The following AIG1 variants were observed in gnomAD, a reference collection of about 807,000 sequenced individuals.
AIG1 encodes androgen induced 1.
A neutral mutation model predicts 31.4 loss-of-function variants in AIG1; 23 were observed. The ratio of observed to expected loss-of-function variants is 0.73; its 90% confidence interval spans 0.53 to 1.04. The LOEUF (loss-of-function observed/expected upper bound fraction) is 1.04, where lower values mean the gene tolerates loss of function less well. AIG1 is among the 50% of genes least tolerant of loss of function. The probability of loss-of-function intolerance (pLI) is 0.00; values close to 1 mark genes in which losing one functional copy is unlikely to be tolerated. For missense variants in AIG1, 274 were observed against 295.0 expected (o/e 0.93, Z 0.52); for synonymous variants, 100 against 110.5 (o/e 0.90, Z 0.60).
At chr6:143,068,440 G>A (rs1191395621) in intron 1 of AIG1, among the ~76,000 whole-genome samples, 5 of 152,218 alleles carry the variant, frequency 3.3e-5, no homozygotes. Context: ...TGCGGTGGAA[G>A]CAGAGCTTTC....
At chr6:143,230,633 T>C (rs1341368418) in intron 3 of AIG1, among the ~76,000 whole-genome samples, 1 of 151,058 alleles carries the variant, frequency 6.6e-6, no homozygotes, top group Non-Finnish European at 1.5e-5. Context: ...GACAAATATA[T>C]CATTATATTT....
At chr6:143,237,356 G>C (rs1225856448) in intron 3 of AIG1, among the ~76,000 whole-genome samples, 1 of 152,108 alleles carries the variant, frequency 6.6e-6, no homozygotes, top group Non-Finnish European at 1.5e-5. Context: ...AAGAAGTCTT[G>C]TCTCATGAAG....
chr6:143,195,560 C>T (rs1790154032), intron 3 of AIG1, among the ~76,000 whole-genome samples: 1 of 152,118 alleles, frequency 6.6e-6, no homozygotes, highest in Admixed American at 6.5e-5. Flanking sequence ...CGTTGACAAG[C>T]ACAGGCTGGA....
chr6:143,128,984 C>T (rs1190037791), intron 1 of AIG1, among the ~76,000 whole-genome samples: 5 of 152,154 alleles, frequency 3.3e-5, no homozygotes, highest in African/African-American at 9.7e-5. Context: ...TCTTTGTCTC[C>T]TTGTGTTTAG....
intron 3 of AIG1, 146 bp downstream of exon 3, chr6:143,165,329 C>T (rs982479630): frequency 1.6e-5 from 10 of 615,834 alleles, no homozygotes; most frequent in Non-Finnish European, 2.8e-6. Context: ...TTAGAGAATA[C>T]TGTAATATTT....
chr6:143,107,454 A>C (rs1334917126), intron 1 of AIG1, among the ~76,000 whole-genome samples: 1 of 152,216 alleles, frequency 6.6e-6, no homozygotes, highest in Non-Finnish European at 1.5e-5. Context: ...GTATAAAATT[A>C]TGGTGATATA....
At chr6:143,264,173 T>C (rs2128661057) in intron 3 of AIG1, among the ~76,000 whole-genome samples, 1 of 152,336 alleles carries the variant, frequency 6.6e-6, no homozygotes, top group Admixed American at 6.5e-5. Flanking sequence ...GCGTATATGC[T>C]TGGGTATTTA....
At chr6:143,339,505 G>T (rs113681591) in intron 5 of AIG1, 134 bp from the exon 6 acceptor site, 22 of 796,436 alleles carry the variant, frequency 2.8e-5, no homozygotes, top group African/African-American at 2.5e-4. Flanking sequence ...GGGAATAGGG[G>T]GTGTGTCAGG....
intron 1 of AIG1, among the ~76,000 whole-genome samples, chr6:143,122,898 TTTTC>T (rs1197859733): frequency 6.6e-6 from 1 of 152,136 alleles, no homozygotes; most frequent in Admixed American, 6.5e-5. Context: ...GACTCCATGT[TTTTC>T]TTTAATCATT....
downstream of AIG1, chr6:143,342,602 G>A: frequency 9.4e-7 from 1 of 1,068,794 alleles, no homozygotes; most frequent in South Asian, 1.3e-5. Flanking sequence ...GCTGCTATTT[G>A]GCAATACGAA....
chr6:143,307,020 C>T (rs1329595318), intron 4 of AIG1, among the ~76,000 whole-genome samples: 5 of 152,300 alleles, frequency 3.3e-5, no homozygotes, highest in South Asian at 2.1e-4. Context: ...GCATTCTTCA[C>T]GTAGTTCTCG....
At chr6:143,150,167 G>C (rs896311888) in intron 2 of AIG1, among the ~76,000 whole-genome samples, 5 of 152,152 alleles carry the variant, frequency 3.3e-5, no homozygotes, top group African/African-American at 9.7e-5. Context: ...ACAAGGATTT[G>C]AGGTGGTGTA....
At chr6:143,264,024 T>G (rs896260213) in intron 3 of AIG1, among the ~76,000 whole-genome samples, 1 of 152,240 alleles carries the variant, frequency 6.6e-6, no homozygotes, top group Non-Finnish European at 1.5e-5. Flanking sequence ...TTGAGTTGTA[T>G]TTTCTGTCCA....
At chr6:143,250,928 C>A (rs919018240) in intron 3 of AIG1, among the ~76,000 whole-genome samples, 2 of 152,198 alleles carry the variant, frequency 1.3e-5, no homozygotes, top group African/African-American at 4.8e-5. Context: ...AGATTAGACA[C>A]CTCTGCTCTA....
At chr6:143,124,415 C>T (rs1310378049) in intron 1 of AIG1, among the ~76,000 whole-genome samples, 1 of 152,180 alleles carries the variant, frequency 6.6e-6, no homozygotes, top group Non-Finnish European at 1.5e-5. Context: ...TTTCCTGCAG[C>T]CCTCCCAACG....
At chr6:143,152,343 G>A (rs920339947) in intron 2 of AIG1, among the ~76,000 whole-genome samples, 5 of 152,118 alleles carry the variant, frequency 3.3e-5, no homozygotes, top group African/African-American at 1.2e-4. Context: ...TCATATTAAT[G>A]TAATTTTATC....
intron 3 of AIG1, among the ~76,000 whole-genome samples, chr6:143,232,009 A>T (rs1012774885): frequency 5.3e-5 from 8 of 152,180 alleles, no homozygotes; most frequent in Admixed American, 5.2e-4. Context: ...AAGTCAGGGG[A>T]TCTCTCCATT....
rs748248630 is a variant in AIG1, at chr6:143,297,789, A to G, written c.515+13564A>G. 2.6e-5 allele frequency among the ~76,000 whole-genome samples: 4 copies of G among 152,080 alleles called. No homozygotes were observed. The highest frequency in any genetic ancestry group is 3.4e-3 in the Middle Eastern group (1 of 294). On this transcript the variant is annotated intron_variant, in intron 4 of 5. Coordinates refer to ENST00000357847, the MANE Select transcript of AIG1 (RefSeq NM_016108.4). The surrounding 1 kb of genome is among the most constrained non-coding windows in gnomAD (Gnocchi z 5.1). ...TTAAAATGCAAATTTTATCCTGTCA[A>G]TCCTCCTACTTAAAAGTCTTCAATA...
At chr6:143,219,910 G>C (rs558427500) in intron 3 of AIG1, among the ~76,000 whole-genome samples, 6 of 152,282 alleles carry the variant, frequency 3.9e-5, no homozygotes, top group South Asian at 4.2e-4. Flanking sequence ...CTACACAACG[G>C]CATTGCTATG....
Sources: allele counts gnomAD v4.1 joint callset (sites outside exome capture counted in the v4.1 genomes callset), GRCh38; gene constraint gnomAD v4.1.1; non-coding constraint Gnocchi (gnomAD v3.1); transcripts MANE v1.5; gene names NCBI Gene and HGNC (gene_info 2026-07-23, HGNC 2026-07-21).